RBM28: variants seen among roughly 807,000 people sequenced by gnomAD.
The protein encoded by RBM28 is RNA binding motif protein 28.
In RBM28, 78 loss-of-function variants were observed where a neutral mutation model predicts 98.3. The ratio of observed to expected loss-of-function variants is 0.79; its 90% confidence interval spans 0.66 to 0.96. RBM28 has a LOEUF of 0.96. RBM28 is among the 40% of genes least tolerant of loss of function. The probability of loss-of-function intolerance (pLI) is 0.00; values close to 1 mark genes in which losing one functional copy is unlikely to be tolerated. For missense variants in RBM28, 838 were observed against 913.0 expected (o/e 0.92, Z 1.06); for synonymous variants, 306 against 330.9 (o/e 0.92, Z 0.82).
At position 128,335,922 on chromosome 7, in the gene RBM28, C is replaced by G; in HGVS notation, c.734G>C (p.Gly245Ala). The change falls in exon 7 of 19, where the codon GGG becomes GCG. Residue 245 changes from glycine to alanine, a missense_variant. By Grantham distance (60) the Gly-to-Ala change is moderately conservative (BLOSUM62 0). Coordinates refer to ENST00000223073, the MANE Select transcript of RBM28 (RefSeq NM_018077.3). ...CTCTTCATCTTCATCATCAAAAACCCCATCTTCTTCATCATCATCATCGTC... is the reference window on the plus strand; with the variant it reads ...CTCTTCATCTTCATCATCAAAAACCGCATCTTCTTCATCATCATCATCGTC... ...DDDDDDDEED[G>A]VFDDEDEEEE... 6.2e-7 allele frequency: 1 copy of G among 1,610,022 alleles called. No individual in the cohort carries two copies. Among genetic ancestry groups the G allele is most frequent in the East Asian group, 2.2e-5 (1 of 44,854 alleles).
Position 128,304,199 on chromosome 7 carries a change from C to T in RBM28, c.*6598G>A, listed in dbSNP as rs1335359287. On this transcript the variant is annotated 3_prime_UTR_variant, in exon 19 of 19. Transcript: ENST00000223073. The stretch of plus-strand genomic sequence containing the variant: ...AATTTATAAATAAAATATACAATGC[C>T]ATTTATTGTAATTCTAGAAAAGTTT... 6.6e-6 allele frequency: 1 copy of T among 152,010 alleles called. No homozygotes were observed. The highest frequency in any genetic ancestry group is 1.5e-5 in the Non-Finnish European group (1 of 68,018). 9.4% of individuals were successfully genotyped at this position (152,010 alleles called of 1,614,324 possible).
chr7:128,332,856 C>G (rs1294075061), intron 9 of RBM28, among the ~76,000 whole-genome samples: 1 of 152,068 alleles, frequency 6.6e-6, no homozygotes, highest in Non-Finnish European at 1.5e-5. Flanking sequence ...TTGCCACCCC[C>G]ACTCCCACCT....
In RBM28 at chr7:128,310,745, A is replaced by G; in HGVS notation, c.*52T>C. 6.2e-7 allele frequency: 1 copy of G among 1,607,862 alleles called. No individual in the cohort carries two copies. Among genetic ancestry groups the G allele is most frequent in the South Asian group, 1.1e-5 (1 of 91,004 alleles). ...CACGGGGGATGGGGAGGAGCCCAGG[A>G]GTGTCACCAGAAAGTACACAACCCA... On this transcript the variant is annotated 3_prime_UTR_variant, in exon 19 of 19. Coordinates refer to ENST00000223073, the MANE Select transcript of RBM28 (RefSeq NM_018077.3).
intron 8 of RBM28, among the ~76,000 whole-genome samples, chr7:128,334,706 G>C (rs939624753): frequency 5.3e-5 from 8 of 152,210 alleles, no homozygotes; most frequent in African/African-American, 1.9e-4. Context: ...CATGTTCAAA[G>C]AGGTCCTTGT....
Position 128,310,925 on chromosome 7 carries a change from T to C in RBM28, c.2152A>G (p.Arg718Gly), listed in dbSNP as rs1795969531. The C allele has an allele frequency of 6.2e-7, 1 of 1,612,704 alleles. No individual in the cohort carries two copies. Among genetic ancestry groups the C allele is most frequent in the Admixed American group, 1.7e-5 (1 of 60,000 alleles). Residue 718 changes from arginine to glycine, a missense_variant, in exon 19 of 19, where the codon AGG (arginine) becomes GGG (glycine). Coordinates refer to ENST00000223073, the MANE Select transcript of RBM28 (RefSeq NM_018077.3). The part of the protein sequence containing the change: ...KQQLSSEQVS[R>G]KKAKGNKTET... ...GTCTTATTTCCCTTAGCTTTTTTCCTAGATACCTACAAATGAAAGGATTAG... is the reference window on the plus strand; with the variant it reads ...GTCTTATTTCCCTTAGCTTTTTTCCCAGATACCTACAAATGAAAGGATTAG...
chr7:128,343,644 C>A (rs957548759), intron 1 of RBM28, 32 bp downstream of exon 1: 2 of 1,558,322 alleles, frequency 1.3e-6, no homozygotes, highest in Non-Finnish European at 1.8e-6. Flanking sequence ...CGCAGGAAAC[C>A]CCAGCCCTAT....
At chr7:128,340,680 C>T (rs1361424273) in intron 1 of RBM28, among the ~76,000 whole-genome samples, 2 of 152,180 alleles carry the variant, frequency 1.3e-5, no homozygotes, top group South Asian at 2.1e-4. Flanking sequence ...GACAAAAGAA[C>T]CTCAAACAAT....
chr7:128,339,730 C>T lies in RBM28; in HGVS notation c.180G>A (p.Arg60=). 1 of 1,613,928 alleles carries T rather than the reference C, an allele frequency of 6.2e-7. No homozygotes were observed. Among genetic ancestry groups the T allele is most frequent in the Non-Finnish European group, 8.5e-7 (1 of 1,179,834 alleles). The change falls in exon 2 of 19, where the codon AGG becomes AGA. Residue 60 remains arginine, a synonymous_variant. Transcript: ENST00000223073. ...CAAAGGTGGTAATCTCCTTGAGGGCCCTCTGAACATCTTCCAGCATTGAAA... is the reference window on the plus strand; with the variant it reads ...CAAAGGTGGTAATCTCCTTGAGGGCTCTCTGAACATCTTCCAGCATTGAAA... ...VTFSMLEDVQ[R]ALKEITTFEG... is the part of the protein sequence containing the mutation.
rs777593428 is a variant in RBM28 at position 128,318,049 on chromosome 7, C to T, written c.1621G>A (p.Gly541Ser). The change falls in exon 15 of 19, where the codon GGC becomes AGC. Residue 541 changes from glycine (G) to serine (S), a missense_variant. Coordinates refer to ENST00000223073, the MANE Select transcript of RBM28 (RefSeq NM_018077.3). Reference sequence around the variant, plus strand: ...TCTTGGAACTCCGCAAAGGCGTAGCCCAGGGACTGACCCTTCATGTTCCCA... The same window carrying T: ...TCTTGGAACTCCGCAAAGGCGTAGCTCAGGGACTGACCCTTCATGTTCCCA... ...VHGNMKGQSL[G>S]YAFAEFQEHE... is the part of the protein sequence containing the mutation. The T allele has an allele frequency of 1.2e-6, 2 of 1,614,006 alleles. No homozygotes were observed. The highest frequency in any genetic ancestry group is 4.5e-5 in the East Asian group (2 of 44,890).
chr7:128,304,080 G>A lies in RBM28; in HGVS notation c.*6717C>T, dbSNP rs2116301729. 6.6e-6 allele frequency: 1 copy of A among 152,302 alleles called. No individual in the cohort carries two copies. Among genetic ancestry groups the A allele is most frequent in the South Asian group, 2.1e-4 (1 of 4,828 alleles). 9.4% of individuals were successfully genotyped at this position (152,302 alleles called of 1,614,324 possible). Reference sequence around the variant, plus strand: ...AGGAAACAAAAAGCATTTATTGCTGGTAAATGCTTAACAACTGGCTCTCTG... The same window carrying A: ...AGGAAACAAAAAGCATTTATTGCTGATAAATGCTTAACAACTGGCTCTCTG... On this transcript the variant is annotated 3_prime_UTR_variant, in exon 19 of 19. Transcript: ENST00000223073.
At chr7:128,327,252 A>C (rs561273040) in intron 10 of RBM28, among the ~76,000 whole-genome samples, 1 of 152,372 alleles carries the variant, frequency 6.6e-6, no homozygotes, top group Non-Finnish European at 1.5e-5. Flanking sequence ...AAAATAAAGC[A>C]GGAACCACTT....
Position 128,310,575 on chromosome 7 carries a change from G to A in RBM28, c.*222C>T. Reference sequence around the variant, plus strand: ...CAATAATCTGGATAATATGCAAGAAGCATCATGTTGACTTTCAGATATTTC... The same window carrying A: ...CAATAATCTGGATAATATGCAAGAAACATCATGTTGACTTTCAGATATTTC... On this transcript the variant is annotated 3_prime_UTR_variant, in exon 19 of 19. Transcript: ENST00000223073. The A allele has an allele frequency of 1.7e-6, 1 of 587,956 alleles. No homozygotes were observed. 36.4% of individuals were successfully genotyped at this position (587,956 alleles called of 1,614,324 possible).
rs746851551 is a variant in RBM28, at chr7:128,330,888, G to C, written c.1060C>G (p.Leu354Val). Residue 354 changes from leucine to valine, a missense_variant, in exon 10 of 19, where the codon CTT becomes GTT. Transcript: ENST00000223073. ...FDSEEEELGE[L>V]LQQFGELKYV... ...TTGAGTTCTCCAAACTGTTGGAGAA[G>C]CTCCCCAAGTTCTTCTTCTTCTGAG... 1.2e-6 allele frequency: 2 copies of C among 1,613,850 alleles called. No individual in the cohort carries two copies. The highest frequency in any genetic ancestry group is 2.7e-5 in the African/African-American group (2 of 74,934).
intron 8 of RBM28, 131 bp from the exon 9 acceptor site, chr7:128,333,493 T>C (rs568298651): frequency 2.7e-6 from 2 of 731,798 alleles, no homozygotes; most frequent in Non-Finnish European, 4.7e-6. Context: ...CCAGGCGGGC[T>C]GATCACCTGA....
At chr7:128,318,925 G>A (rs142658122) in intron 14 of RBM28, among the ~76,000 whole-genome samples, 205 of 152,294 alleles carry the variant, frequency 1.3e-3, no homozygotes, top group African/African-American at 4.5e-3. Flanking sequence ...TCAAGCATAG[G>A]AAAAAGTCTC....
At chr7:128,316,302 T>C (rs563806993) in intron 16 of RBM28, among the ~76,000 whole-genome samples, 1 of 152,238 alleles carries the variant, frequency 6.6e-6, no homozygotes, top group Non-Finnish European at 1.5e-5. Flanking sequence ...GGTGGAGGCA[T>C]GCAACTTGAA....
intron 1 of RBM28, 77 bp downstream of exon 1, chr7:128,343,599 T>C (rs1326499580): frequency 7.5e-6 from 8 of 1,061,840 alleles, no homozygotes; most frequent in Admixed American, 2.2e-5. Context: ...TAAAGAATGA[T>C]ACGGCTCCCT....
rs937694741 is a variant in RBM28, at chr7:128,307,736, T to C, written c.*3061A>G. 2.0e-5 allele frequency: 3 copies of C among 152,244 alleles called. No individual in the cohort carries two copies. The allele number at this position is 152,244 out of a possible 1,614,324, so 9.4% of individuals were successfully genotyped here. On this transcript the variant is annotated 3_prime_UTR_variant, in exon 19 of 19. Coordinates refer to ENST00000223073, the MANE Select transcript of RBM28 (RefSeq NM_018077.3). ...GTTGTATCTCTAAGCCAGGCTATTA[T>C]ATAATCAAGCAGGAAAATACTACTA...
chr7:128,329,946 T>C (rs963951333), intron 10 of RBM28, among the ~76,000 whole-genome samples: 1 of 122,568 alleles, frequency 8.2e-6, no homozygotes, highest in Non-Finnish European at 1.7e-5. Context: ...ATGACTGCAA[T>C]AGGTGAAATC....
Sources: allele counts gnomAD v4.1 joint callset (sites outside exome capture counted in the v4.1 genomes callset), GRCh38; gene constraint gnomAD v4.1.1; transcripts MANE v1.5; gene names NCBI Gene and HGNC (gene_info 2026-07-23, HGNC 2026-07-21).